Variants in CRYBG1 observed in about 807,000 individuals in gnomAD.
CRYBG1 encodes beta/gamma crystallin domain-containing protein 1.
In CRYBG1, 139 loss-of-function variants were observed where a neutral mutation model predicts 189.2. The ratio of observed to expected loss-of-function variants is 0.73; its 90% CI spans 0.64 to 0.85. CRYBG1 has a LOEUF of 0.85. Among genes scored for constraint, CRYBG1 ranks in the 40% least tolerant of loss-of-function variants. The probability of loss-of-function intolerance (pLI) is 0.00; values close to 1 mark genes in which losing one functional copy is unlikely to be tolerated. For missense variants in CRYBG1, 2,611 were observed against 2,675.8 expected, an observed-to-expected ratio of 0.98 and a Z score of 0.53; for synonymous variants, 1,023 against 1,017.1, an observed-to-expected ratio of 1.01 and a Z score of -0.11.
intron 2 of CRYBG1, among the ~76,000 whole-genome samples, chr6:106,483,630 A>G (rs773544966): frequency 6.6e-6 from 1 of 152,068 alleles, no homozygotes; most frequent in Non-Finnish European, 1.5e-5. Flanking sequence ...TTATAATCCC[A>G]TCAACAGGGT....
intron 1 of CRYBG1, among the ~76,000 whole-genome samples, chr6:106,451,233 G>T (rs1171878243): frequency 6.6e-6 from 1 of 152,096 alleles, no homozygotes; most frequent in Non-Finnish European, 1.5e-5. Context: ...ATAATCCTAG[G>T]AACAGTTCCC....
Position 106,521,284 on chromosome 6 carries a change from T to C in CRYBG1, c.4076T>C (p.Leu1359Ser), listed in dbSNP as rs1243669558. Reference sequence around the variant, plus strand: ...TTGCCAGAAACTAAATTTTCTGAATTGTCAAAACTGAAGAATGATGATATG... The same window carrying C: ...TTGCCAGAAACTAAATTTTCTGAATCGTCAAAACTGAAGAATGATGATATG... Reference protein sequence around the residue: ...LHLPETKFSELSKLKNDDMEK... With the variant: ...LHLPETKFSESSKLKNDDMEK... Residue 1359 changes from leucine to serine, a missense_variant, in exon 4 of 22, where the codon TTG (leucine) becomes TCG (serine). Physicochemically the swap from Leu to Ser is moderately radical, Grantham distance 145. Transcript: ENST00000633556. The C allele has an allele frequency of 1.2e-6, 2 of 1,613,850 alleles. No individual in the cohort carries two copies. Among genetic ancestry groups the C allele is most frequent in the Admixed American group, 3.3e-5 (2 of 59,954 alleles).
In CRYBG1 at chr6:106,569,654, A is replaced by G. The variant is rs1774998110; in HGVS notation, c.*1088A>G. ...ATTTATGAGCCATCCTTACTCATCTACAAGTGCTGAAGCAATGTTACATAC... is the reference window on the plus strand; with the variant it reads ...ATTTATGAGCCATCCTTACTCATCTGCAAGTGCTGAAGCAATGTTACATAC... On this transcript the variant is annotated 3_prime_UTR_variant, in exon 22 of 22. Transcript: ENST00000633556. 1 of 152,226 alleles carries G rather than the reference A, an allele frequency of 6.6e-6. No individual in the cohort carries two copies. Among genetic ancestry groups the G allele is most frequent in the South Asian group, 2.1e-4 (1 of 4,836 alleles). The allele number at this position is 152,226 out of a possible 1,614,324, so 9.4% of individuals were successfully genotyped here. A position where few individuals can be genotyped will look rare whatever the true frequency, so the allele number is the denominator to read the frequency against.
chr6:106,494,660 T>G (rs886237024), intron 2 of CRYBG1, among the ~76,000 whole-genome samples: 10 of 152,192 alleles, frequency 6.6e-5, no homozygotes, highest in African/African-American at 9.7e-5. Context: ...GTAGAAACTA[T>G]AGACTAAATG....
At position 106,447,434 on chromosome 6, in the gene CRYBG1, G is replaced by T. The variant is rs376601928; in HGVS notation, c.174-4260G>T. On this transcript the variant is annotated intron_variant, in intron 1 of 21. Coordinates refer to ENST00000633556, the MANE Select transcript of CRYBG1 (RefSeq NM_001371242.2). The stretch of plus-strand genomic sequence containing the variant: ...ATTGTACACTTAAAAATAACTAAAA[G>T]AATATAATTGGATTGTTTGTAACAC... 1.6e-4 allele frequency among the ~76,000 whole-genome samples: 24 copies of T among 152,028 alleles called. No individual in the cohort carries two copies. The South Asian group carries it at 4.6e-3, about 29-fold the overall frequency.
chr6:106,499,176 G>A (rs1245910942), intron 2 of CRYBG1, among the ~76,000 whole-genome samples: 5 of 126,076 alleles, frequency 4.0e-5, no homozygotes, highest in Admixed American at 9.2e-5. Flanking sequence ...TTTTTGAGAC[G>A]GAGTCTCTCT....
At chr6:106,566,181 A>G (rs1169047012) in intron 21 of CRYBG1, among the ~76,000 whole-genome samples, 1 of 151,626 alleles carries the variant, frequency 6.6e-6, no homozygotes, top group African/African-American at 2.4e-5. Flanking sequence ...AAAAAAAAAA[A>G]AAGCCTCCTC....
rs1295250219 is a variant in CRYBG1 at position 106,360,954 on chromosome 6, C to T, written c.46C>T (p.Pro16Ser). The change falls in exon 1 of 22, where the codon CCG (proline) becomes TCG (serine). Residue 16 changes from proline (P) to serine (S), a missense_variant. By Grantham distance (74) the Pro-to-Ser change is moderately conservative (BLOSUM62 -1). Around this residue, in one of 3 missense-constraint regions of CRYBG1, gnomAD observed 985 missense variants for 924.4 expected, o/e 1.07. Transcript: ENST00000633556. ...PAQGDPGEPS[P>S]CRPPKKHTTF... ...CCAGGGCGACCCCGGGGAGCCCAGC[C>T]CGTGCAGGCCCCCTAAGAAGCACAC... 1.3e-6 allele frequency: 2 copies of T among 1,535,060 alleles called. No individual in the cohort carries two copies. The highest frequency in any genetic ancestry group is 1.4e-5 in the African/African-American group (1 of 73,014).
At position 106,561,557 on chromosome 6, in the gene CRYBG1, C is replaced by T. The variant is rs938840082; in HGVS notation, c.6138+57C>T. 6 of 1,531,372 alleles carry T rather than the reference C, an allele frequency of 3.9e-6. No individual in the cohort carries two copies. The African/African-American group carries it at 4.2e-5, about 11-fold the overall frequency. The allele number at this position is 1,531,372 out of a possible 1,614,324, so 94.9% of individuals were successfully genotyped here. On this transcript the variant is annotated intron_variant, in intron 20 of 21. Coordinates refer to ENST00000633556, the MANE Select transcript of CRYBG1 (RefSeq NM_001371242.2). ...TGGCTTTGCTAGGAGGTGACTCATC[C>T]TTTCATATGCTTTTGATCTTTTCTT...
At chr6:106,386,171 G>T (rs1176467792) in intron 1 of CRYBG1, among the ~76,000 whole-genome samples, 2 of 152,162 alleles carry the variant, frequency 1.3e-5, no homozygotes, top group Non-Finnish European at 2.9e-5. Context: ...ACTTCAGTAG[G>T]ACTCAGTATT....
chr6:106,363,201 G>A (rs1017736186), intron 1 of CRYBG1, among the ~76,000 whole-genome samples: 2 of 134,112 alleles, frequency 1.5e-5, no homozygotes, highest in African/African-American at 2.8e-5. Flanking sequence ...TCGAGATCGC[G>A]CCACTGCACT....
intron 2 of CRYBG1, among the ~76,000 whole-genome samples, chr6:106,507,741 AG>A (rs1015667427): frequency 4.6e-5 from 7 of 152,186 alleles, no homozygotes; most frequent in East Asian, 3.8e-4. Context: ...CTGGTTGAAA[AG>A]AAATACGTAT....
chr6:106,561,883 G>A (rs1037915313), intron 20 of CRYBG1, among the ~76,000 whole-genome samples: 2 of 152,210 alleles, frequency 1.3e-5, no homozygotes, highest in Non-Finnish European at 2.9e-5. Flanking sequence ...AGAACGGGAT[G>A]AAGGGTAAAG....
intron 2 of CRYBG1, among the ~76,000 whole-genome samples, chr6:106,491,552 C>T (rs1772722646): frequency 1.3e-5 from 2 of 152,186 alleles, no homozygotes; most frequent in Non-Finnish European, 2.9e-5. Flanking sequence ...ACGGAGCTCT[C>T]CAGTGCTCTT....
In CRYBG1 at chr6:106,399,525, G is replaced by A. The variant is rs146681706; in HGVS notation, c.173+38444G>A. Among the ~76,000 whole-genome samples, 34 of 152,228 alleles carry A rather than the reference G, an allele frequency of 2.2e-4. No individual in the cohort carries two copies. The East Asian group carries it at 6.0e-3, about 27-fold the overall frequency. On this transcript the variant is annotated intron_variant, in intron 1 of 21. Transcript: ENST00000633556. ...CTTTCTGGATGCGTGACATAGGTATGTTAAAAACGTTAAAGGCCATATGGA... is the reference window on the plus strand; with the variant it reads ...CTTTCTGGATGCGTGACATAGGTATATTAAAAACGTTAAAGGCCATATGGA...
chr6:106,520,454 T>C lies in CRYBG1; in HGVS notation c.3246T>C (p.Asp1082=), dbSNP rs758980135. The C allele has an allele frequency of 3.7e-6, 6 of 1,614,034 alleles. No individual in the cohort carries two copies. The African/African-American group carries it at 6.7e-5, about 18-fold the overall frequency. The stretch of plus-strand genomic sequence containing the variant: ...ATCAGACTGTTACAAATGGCCAGGA[T>C]AGCCCTGCCAGCCTTTTGAACATTT... ...RPDQTVTNGQ[D]SPASLLNISA... Residue 1082 remains aspartate, a synonymous_variant, in exon 4 of 22, where the codon GAT becomes GAC. Coordinates refer to ENST00000633556, the MANE Select transcript of CRYBG1 (RefSeq NM_001371242.2).
rs368102917 is a variant in CRYBG1, at chr6:106,452,244, TAAA to T, written c.312+431_312+433del. 9.0e-4 allele frequency among the ~76,000 whole-genome samples: 98 copies of T among 108,828 alleles called. 2 individuals carry two copies. Among genetic ancestry groups the T allele is most frequent in the East Asian group, 2.9e-3 (13 of 4,458 alleles). The allele number at this position is 108,828 out of a possible 152,430, so 71.4% of individuals were successfully genotyped here. The stretch of plus-strand genomic sequence containing the variant: ...CAACATGATGAAACCCAGACTCTAC[TAAA>T]AAAAAAAAAAAAAAAAAACAAAAAA... On this transcript the variant is annotated intron_variant, in intron 2 of 21. Transcript: ENST00000633556.
chr6:106,476,785 A>G (rs1030872631), intron 2 of CRYBG1, among the ~76,000 whole-genome samples: 1 of 152,168 alleles, frequency 6.6e-6, no homozygotes, highest in Non-Finnish European at 1.5e-5. Context: ...GTGTAGAACC[A>G]CACACACCTT....
Position 106,360,778 on chromosome 6 carries a change from C to G in CRYBG1, c.-131C>G, listed in dbSNP as rs1771850256. On this transcript the variant is annotated 5_prime_UTR_variant, in exon 1 of 22. Transcript: ENST00000633556. ...ACCCGCGGCCGTCCCCCCGCATCCG[C>G]GACGAGGGGGCGGGGTCCCACGGCG... is the stretch of plus-strand genomic sequence containing the variant. The G allele has an allele frequency of 2.7e-6, 3 of 1,128,092 alleles. No individual in the cohort carries two copies. In the South Asian group the frequency reaches 5.2e-5, roughly 19 times the overall value. 69.9% of individuals were successfully genotyped at this position (1,128,092 alleles called of 1,614,324 possible). A position where few individuals can be genotyped will look rare whatever the true frequency, so the allele number is the denominator to read the frequency against.
Sources: gnomAD v4.1 joint callset for allele counts (sites outside exome capture counted in the v4.1 genomes callset) on GRCh38, gnomAD v4.1.1 for gene constraint, gnomAD v4.1.1 regional missense constraint, MANE v1.5 for transcripts, NCBI Gene and HGNC (gene_info 2026-07-23, HGNC 2026-07-21) for gene names.